Variants in PLD5 observed in about 807,000 individuals in gnomAD.
PLD5 encodes phospholipase D family member 5.
PLD5 carries 36 observed loss-of-function variants against 61.1 expected under a neutral mutation model. The observed-to-expected ratio is 0.59, with a 90% CI of 0.45 to 0.78. PLD5 has a LOEUF of 0.78. Among genes scored for constraint, PLD5 ranks in the 30% least tolerant of loss-of-function variants. PLD5 has a pLI of 0.00. For synonymous variants in PLD5, 243 were observed against 242.8 expected (o/e 1.00, Z -0.01); for missense variants, 515 against 644.4 (o/e 0.80, Z 2.17).
rs192037171 is a variant in PLD5 at position 242,514,803 on chromosome 1, G to C, written c.189+9285C>G. Reference sequence around the variant, plus strand: ...AAGCAGATGGGGAGGTGAGGAGAGGGAAGGACCCAGGAAGCCATACAGGGA... The same window carrying C: ...AAGCAGATGGGGAGGTGAGGAGAGGCAAGGACCCAGGAAGCCATACAGGGA... On this transcript the variant is annotated intron_variant, in intron 1 of 9. Transcript: ENST00000536534. 2.4e-4 allele frequency among the ~76,000 whole-genome samples: 36 copies of C among 152,132 alleles called. No homozygotes were observed. In the East Asian group the frequency reaches 5.0e-3, roughly 21 times the overall value.
intron 2 of PLD5, among the ~76,000 whole-genome samples, chr1:242,299,387 G>A (rs1675900987): frequency 6.6e-6 from 1 of 152,094 alleles, no homozygotes; most frequent in African/African-American, 2.4e-5. Flanking sequence ...TCTATTTTTT[G>A]TAGCCATTAT....
chr1:242,298,435 G>A (rs1361140142), intron 2 of PLD5, among the ~76,000 whole-genome samples: 8 of 152,218 alleles, frequency 5.3e-5, no homozygotes, highest in African/African-American at 1.9e-4. Context: ...GAGATGAAGA[G>A]AGCAGGGCTC....
At chr1:242,306,173 C>G (rs3913527) in intron 2 of PLD5, among the ~76,000 whole-genome samples, 136,454 of 150,550 alleles carry the variant, frequency 0.91, 61,818 homozygotes, top group East Asian at 0.95. Context: ...GAGGGGTCCT[C>G]AGCTGCTGGG....
intron 1 of PLD5, chr1:242,376,907 A>G (rs560833461): frequency 6.3e-7 from 1 of 1,588,544 alleles, no homozygotes; most frequent in East Asian, 2.2e-5. Flanking sequence ...GATTTTCCTC[A>G]TGGATCATCT....
At chr1:242,208,110 C>A (rs1049876575) in intron 5 of PLD5, among the ~76,000 whole-genome samples, 1 of 149,724 alleles carries the variant, frequency 6.7e-6, no homozygotes, top group Admixed American at 6.8e-5. Context: ...AAGCCTTGAC[C>A]TCCTGGGCTC....
chr1:242,478,459 A>G (rs1242393880), intron 1 of PLD5, among the ~76,000 whole-genome samples: 2 of 152,222 alleles, frequency 1.3e-5, no homozygotes, highest in Non-Finnish European at 2.9e-5. Flanking sequence ...TGTCACTGCG[A>G]GGGACTAGCT....
At chr1:242,302,365 G>A (rs1451003777) in intron 2 of PLD5, among the ~76,000 whole-genome samples, 6 of 152,166 alleles carry the variant, frequency 3.9e-5, no homozygotes, top group Admixed American at 6.6e-5. Context: ...CTCCAAAAAT[G>A]TATTGTTATT....
chr1:242,317,734 G>GAA (rs35037707), intron 2 of PLD5, among the ~76,000 whole-genome samples: 402 of 147,128 alleles, frequency 2.7e-3, no homozygotes, highest in Middle Eastern at 6.9e-3. Context: ...CATTTCAAAG[G>GAA]AAAAAAAAAA....
rs1480940892 is a variant in PLD5 at position 242,438,498 on chromosome 1, G to A, written c.189+85590C>T. 3.4e-5 allele frequency among the ~76,000 whole-genome samples: 5 copies of A among 145,208 alleles called. No individual in the cohort carries two copies. The South Asian group carries it at 6.8e-4, about 20-fold the overall frequency. ...TCACTCTTGTCACCCAGGTTGGAGT[G>A]TAATGGTGCAATCTTGGCTCACTGC... is the stretch of plus-strand genomic sequence containing the variant. On this transcript the variant is annotated intron_variant, in intron 1 of 9. Transcript: ENST00000536534.
At chr1:242,226,924 T>C (rs1670986800) in intron 4 of PLD5, among the ~76,000 whole-genome samples, 1 of 152,208 alleles carries the variant, frequency 6.6e-6, no homozygotes, top group African/African-American at 2.4e-5. Context: ...AATGAAAATA[T>C]TAACTAAAAG....
chr1:242,134,346 A>T (rs1363882109), intron 5 of PLD5, among the ~76,000 whole-genome samples: 3 of 152,144 alleles, frequency 2.0e-5, no homozygotes, highest in African/African-American at 7.2e-5. Context: ...GCCCTTGGAT[A>T]GGAAGCTGAC....
chr1:242,244,394 A>T (rs1012581332), intron 4 of PLD5, among the ~76,000 whole-genome samples: 2 of 152,192 alleles, frequency 1.3e-5, no homozygotes, highest in Non-Finnish European at 2.9e-5. Flanking sequence ...AGACAACACA[A>T]AGTAGTATCT....
At chr1:242,526,923 G>A (rs1298477345), upstream of PLD5, among the ~76,000 whole-genome samples, 4 of 152,036 alleles carry the variant, frequency 2.6e-5, no homozygotes, top group East Asian at 7.7e-4. Flanking sequence ...ATGAGATTAG[G>A]TATTTGATAT....
chr1:242,417,710 C>T (rs1326637401), intron 1 of PLD5, among the ~76,000 whole-genome samples: 2 of 152,232 alleles, frequency 1.3e-5, no homozygotes, highest in Non-Finnish European at 2.9e-5. Context: ...GCTTGCTTCC[C>T]TGCATCAATA....
At chr1:242,138,139 T>C (rs1402193388) in intron 5 of PLD5, among the ~76,000 whole-genome samples, 1 of 152,214 alleles carries the variant, frequency 6.6e-6, no homozygotes, top group Non-Finnish European at 1.5e-5. Flanking sequence ...GCTTAGTTCG[T>C]AGACTGGTAT....
At chr1:242,465,780 A>T (rs1022963481) in intron 1 of PLD5, among the ~76,000 whole-genome samples, 1 of 152,184 alleles carries the variant, frequency 6.6e-6, no homozygotes, top group Non-Finnish European at 1.5e-5. Flanking sequence ...TACAAAAAAA[A>T]TTAGCCAGGC....
intron 1 of PLD5, among the ~76,000 whole-genome samples, chr1:242,521,161 T>C (rs1255583210): frequency 2.6e-5 from 4 of 152,218 alleles, no homozygotes; most frequent in Non-Finnish European, 4.4e-5. Flanking sequence ...TTCATTATTT[T>C]AGTATGGAAT....
At chr1:242,429,511 T>G (rs1235818607) in intron 1 of PLD5, among the ~76,000 whole-genome samples, 1 of 152,154 alleles carries the variant, frequency 6.6e-6, no homozygotes, top group Non-Finnish European at 1.5e-5. Flanking sequence ...CCTCCCAAAG[T>G]GCTGGGATTA....
chr1:242,303,936 C>G (rs759974225), intron 2 of PLD5, among the ~76,000 whole-genome samples: 1 of 152,066 alleles, frequency 6.6e-6, no homozygotes, highest in Non-Finnish European at 1.5e-5. Context: ...TTAATAAATC[C>G]CATTATTTGC....
Sources: gnomAD v4.1 joint callset for allele counts (sites outside exome capture counted in the v4.1 genomes callset) on GRCh38, gnomAD v4.1.1 for gene constraint, MANE v1.5 for transcripts, NCBI Gene and HGNC (gene_info 2026-07-23, HGNC 2026-07-21) for gene names.